Variants in FAM219B observed in about 807,000 individuals in gnomAD.
FAM219B encodes protein FAM219B.
A neutral mutation model predicts 19.9 loss-of-function variants in FAM219B; 18 were observed. The observed-to-expected ratio is 0.91, with a 90% CI of 0.63 to 1.34. FAM219B has a LOEUF of 1.34. Ranked by LOEUF, FAM219B falls within the 40% of genes most tolerant of loss-of-function variation. The pLI, the probability that FAM219B is intolerant of heterozygous loss-of-function variation, is 0.00. For synonymous variants in FAM219B, 123 were observed against 117.5 expected (o/e 1.05, Z -0.30); for missense variants, 283 against 270.5 (o/e 1.05, Z -0.32).
In FAM219B at chr15:74,906,277, C is replaced by A. The variant is rs1474039216; in HGVS notation, c.302+1G>T. On this transcript the variant is annotated splice_donor_variant, in intron 2 of 4. Coordinates refer to ENST00000357635, the MANE Select transcript of FAM219B (RefSeq NM_020447.5). LOFTEE classifies it high-confidence loss of function. Reference sequence around the variant, plus strand: ...ACAGAGGAGGTGGCGCCTGCTGAGACCTTTTCCCTGAAGAGTCTGGGCGGT... The same window carrying A: ...ACAGAGGAGGTGGCGCCTGCTGAGAACTTTTCCCTGAAGAGTCTGGGCGGT... 6.2e-7 allele frequency: 1 copy of A among 1,613,322 alleles called. No homozygotes were observed. Among genetic ancestry groups the A allele is most frequent in the South Asian group, 1.1e-5 (1 of 90,902 alleles).
chr15:74,903,600 C>CAAAA (rs60354993), intron 4 of FAM219B, among the ~76,000 whole-genome samples: 85 of 46,016 alleles, frequency 1.8e-3, no homozygotes, highest in East Asian at 4.1e-3. Flanking sequence ...GACTCTGTCT[C>CAAAA]AAAAAAAAAA....
intron 3 of FAM219B, chr15:74,904,949 T>C (rs992137788): frequency 5.9e-6 from 9 of 1,530,436 alleles, no homozygotes; most frequent in African/African-American, 1.4e-5. Flanking sequence ...CCCCCGGACA[T>C]TGGTGCTCCG....
In FAM219B at chr15:74,906,679, C is replaced by G. The variant is rs1367058628; in HGVS notation, c.122G>C (p.Arg41Thr). The change falls in exon 1 of 5, where the codon AGA becomes ACA. Residue 41 changes from arginine to threonine, a missense_variant. Physicochemically the swap from Arg to Thr is moderately conservative, Grantham distance 71 (BLOSUM62 -1). Coordinates refer to ENST00000357635, the MANE Select transcript of FAM219B (RefSeq NM_020447.5). ...GGTGCGCTCCCCCAGACGGAGGGCT[C>G]TATTACCGATCTGCCCGGAGGGTGG... is the stretch of plus-strand genomic sequence containing the variant. ...AGPPSGQIGN[R>T]ALRLGERTPA... The G allele has an allele frequency of 6.7e-7, 1 of 1,486,622 alleles. No individual in the cohort carries two copies. The highest frequency in any genetic ancestry group is 2.5e-5 in the East Asian group (1 of 39,988). The allele number at this position is 1,486,622 out of a possible 1,614,324, so 92.1% of individuals were successfully genotyped here. A position where few individuals can be genotyped will look rare whatever the true frequency, so the allele number is the denominator to read the frequency against.
rs1170432381 is a variant in FAM219B at position 74,906,792 on chromosome 15, G to C, written c.9C>G (p.Thr3=). 2 of 1,284,966 alleles carry C rather than the reference G, an allele frequency of 1.6e-6. No homozygotes were observed. Among genetic ancestry groups the C allele is most frequent in the Non-Finnish European group, 2.0e-6 (2 of 1,017,274 alleles). The allele number at this position is 1,284,966 out of a possible 1,614,324, so 79.6% of individuals were successfully genotyped here. MA[T]AEPSGRALRL... Reference sequence around the variant, plus strand: ...GCAACGCGCGCCCGCTGGGCTCCGCGGTCGCCATGGCCGGGCCCCGCCCTG... The same window carrying C: ...GCAACGCGCGCCCGCTGGGCTCCGCCGTCGCCATGGCCGGGCCCCGCCCTG... The change falls in exon 1 of 5, where the codon ACC becomes ACG. Residue 3 remains threonine, a synonymous_variant. Transcript: ENST00000357635.
chr15:74,905,128 G>A (rs201390671), intron 3 of FAM219B, 26 bp downstream of exon 3: 13 of 1,613,574 alleles, frequency 8.1e-6, no homozygotes, highest in Admixed American at 1.7e-5. Flanking sequence ...GCTTCCCAAG[G>A]GGGTATTTCC....
At chr15:74,904,551 GA>G in intron 4 of FAM219B, 112 bp downstream of exon 4, 1 of 1,295,962 alleles carries the variant, frequency 7.7e-7, no homozygotes, top group African/African-American at 1.5e-5. Flanking sequence ...TCGTAGAACA[GA>G]CCAGAAGTCT....
Position 74,906,385 on chromosome 15 carries a change from G to C in FAM219B, c.215-20C>G, listed in dbSNP as rs2065194886. 1 of 1,592,024 alleles carries C rather than the reference G, an allele frequency of 6.3e-7. No individual in the cohort carries two copies. The highest frequency in any genetic ancestry group is 8.6e-7 in the Non-Finnish European group (1 of 1,169,446). ...GCTTCTCTGGAAGTTAAAGGACCCG[G>C]GTCAGCCGGGTCTTCCCCACTCCGC... On this transcript the variant is annotated intron_variant, in intron 1 of 4. Transcript: ENST00000357635.
At chr15:74,904,848 C>T (rs2141246645) in intron 3 of FAM219B, 136 bp from the exon 4 acceptor site, 4 of 1,429,366 alleles carry the variant, frequency 2.8e-6, no homozygotes, top group East Asian at 4.6e-5. Flanking sequence ...CAAGTCCGAA[C>T]AGGCCTTGAA....
chr15:74,906,825 G>A lies in FAM219B; in HGVS notation c.-25C>T. ...TGGCCGGGCCCCGCCCTGCCGGATG[G>A]TGCAACCCCGCCCGTGGCGAAAGAG... On this transcript the variant is annotated 5_prime_UTR_variant, in exon 1 of 5. Transcript: ENST00000357635. 1 of 1,251,754 alleles carries A rather than the reference G, an allele frequency of 8.0e-7. No individual in the cohort carries two copies. Among genetic ancestry groups the A allele is most frequent in the Non-Finnish European group, 1.0e-6 (1 of 999,666 alleles). 77.5% of individuals were successfully genotyped at this position (1,251,754 alleles called of 1,614,324 possible).
intron 3 of FAM219B, 59 bp from the exon 4 acceptor site, chr15:74,904,771 C>T: frequency 6.2e-7 from 1 of 1,606,102 alleles, no homozygotes; most frequent in South Asian, 1.1e-5. Context: ...AGCTGTAAAT[C>T]ATCAGGCGGA....
At position 74,906,700 on chromosome 15, in the gene FAM219B, G is replaced by C. The variant is rs543038610; in HGVS notation, c.101C>G (p.Pro34Arg). ...RDRAPGAAGP[P>R]SGQIGNRALR... ...GGCTCTATTACCGATCTGCCCGGAG[G>C]GTGGCCCCGCAGCTCCCGGCGCGCG... Residue 34 changes from proline (P) to arginine (R), a missense_variant, in exon 1 of 5, where the codon CCC (proline) becomes CGC (arginine). By Grantham distance (103) the Pro-to-Arg change is moderately radical. Transcript: ENST00000357635. 12 of 1,420,074 alleles carry C rather than the reference G, an allele frequency of 8.5e-6. No homozygotes were observed. In the African/African-American group the frequency reaches 1.3e-4, roughly 16 times the overall value. 88.0% of individuals were successfully genotyped at this position (1,420,074 alleles called of 1,614,324 possible).
chr15:74,904,896 G>A (rs1264867936), intron 3 of FAM219B, 184 bp from the exon 4 acceptor site: 14 of 1,454,332 alleles, frequency 9.6e-6, no homozygotes, highest in African/African-American at 1.4e-5. Context: ...GCAGGGACAG[G>A]GTCACTCTCA....
At chr15:74,898,357 G>A (rs2064854572), downstream of FAM219B, 2 of 177,306 alleles carry the variant, frequency 1.1e-5, no homozygotes, top group Non-Finnish European at 2.5e-5. Flanking sequence ...GGAGTGAGCA[G>A]GCTACACTCC....
At chr15:74,905,257 CCAAA>C in intron 2 of FAM219B, 26 bp from the exon 3 acceptor site, 2 of 1,608,966 alleles carry the variant, frequency 1.2e-6, no homozygotes, top group South Asian at 1.1e-5. Flanking sequence ...GGAGAAGAGA[CCAAA>C]CATAGATGAA....
At chr15:74,905,073 G>A in intron 3 of FAM219B, 81 bp downstream of exon 3, 1 of 1,603,180 alleles carries the variant, frequency 6.2e-7, no homozygotes, top group South Asian at 1.1e-5. Flanking sequence ...GGAGGAGACA[G>A]GGAACAAGCA....
intron 1 of FAM219B, 51 bp from the exon 2 acceptor site, chr15:74,906,416 C>T: frequency 1.3e-6 from 2 of 1,567,584 alleles, no homozygotes; most frequent in Non-Finnish European, 1.7e-6. Flanking sequence ...TCCGCCGCGT[C>T]TCCCGAAGGC....
Position 74,904,651 on chromosome 15 carries a change from G to A in FAM219B, c.429+13C>T. 1 of 1,614,214 alleles carries A rather than the reference G, an allele frequency of 6.2e-7. No homozygotes were observed. The highest frequency in any genetic ancestry group is 1.7e-5 in the Admixed American group (1 of 60,024). On this transcript the variant is annotated intron_variant, in intron 4 of 4. Coordinates refer to ENST00000357635, the MANE Select transcript of FAM219B (RefSeq NM_020447.5). ...GCAGCCTGGCCCTGCACAGAAAGGT[G>A]TTCTGGACTTGCCTCTGCAGATGAA...
chr15:74,902,614 A>G lies in FAM219B; in HGVS notation c.*5T>C. ...GTGAGCAGGGCCCACCTTGGAGGGTAATGTCTACTGGAGGGTACAGGAAGA... is the reference window on the plus strand; with the variant it reads ...GTGAGCAGGGCCCACCTTGGAGGGTGATGTCTACTGGAGGGTACAGGAAGA... On this transcript the variant is annotated 3_prime_UTR_variant, in exon 5 of 5. Coordinates refer to ENST00000357635, the MANE Select transcript of FAM219B (RefSeq NM_020447.5). 2 of 1,598,948 alleles carry G rather than the reference A, an allele frequency of 1.3e-6. No homozygotes were observed. The highest frequency in any genetic ancestry group is 1.7e-6 in the Non-Finnish European group (2 of 1,171,932).
intron 4 of FAM219B, among the ~76,000 whole-genome samples, chr15:74,904,282 A>G (rs900712543): frequency 2.0e-5 from 3 of 152,186 alleles, no homozygotes; most frequent in Admixed American, 6.5e-5. Context: ...GCTGTGGCCT[A>G]GAAGACTTTT....
Sources: gnomAD v4.1 joint callset for allele counts (sites outside exome capture counted in the v4.1 genomes callset) on GRCh38, gnomAD v4.1.1 for gene constraint, MANE v1.5 for transcripts, NCBI Gene and HGNC (gene_info 2026-07-23, HGNC 2026-07-21) for gene names.